MICAL2: variants seen among roughly 807,000 people sequenced by gnomAD.
MICAL2 encodes the protein microtubule associated monooxygenase, calponin and LIM domain containing 2.
MICAL2 carries 77 observed loss-of-function variants against 127.3 expected under a neutral mutation model. The observed-to-expected ratio is 0.60, with a 90% CI of 0.50 to 0.73. The LOEUF (loss-of-function observed/expected upper bound fraction) is 0.73. Among genes scored for constraint, MICAL2 ranks in the 30% least tolerant of loss-of-function variants. The probability of loss-of-function intolerance (pLI) is 0.00; values close to 1 mark genes in which losing one functional copy is unlikely to be tolerated. For missense variants in MICAL2, 1,351 were observed against 1,434.4 expected, an observed-to-expected ratio of 0.94 and a Z score of 0.94; for synonymous variants, 570 against 551.1, an observed-to-expected ratio of 1.03 and a Z score of -0.48.
intron 1 of MICAL2, among the ~76,000 whole-genome samples, chr11:12,278,559 G>A (rs1217380060): frequency 6.6e-6 from 1 of 152,192 alleles, no homozygotes; most frequent in African/African-American, 2.4e-5. Context: ...GTAATTCAAA[G>A]AATTTTTAAG....
At position 12,241,128 on chromosome 11, in the gene MICAL2, C is replaced by G; in HGVS notation, c.2303C>G (p.Ala768Gly). The G allele has an allele frequency of 6.2e-7, 1 of 1,614,148 alleles. No homozygotes were observed. Among genetic ancestry groups the G allele is most frequent in the Non-Finnish European group, 8.5e-7 (1 of 1,180,002 alleles). ...TCTTGCTGCCCCAAGCCGGAGGAGG[C>G]CACACCCAGCCCATCACCTCCTCTG... ...VHSCCPKPEE[A>G]TPSPSPPLKR... Residue 768 changes from alanine (A) to glycine (G), a missense_variant, in exon 18 of 28, where the codon GCC (alanine) becomes GGC (glycine). Ala to Gly is a moderately conservative substitution (Grantham distance 60). This residue lies in a region of MICAL2 where 752 missense variants were observed against 719.4 expected (regional missense o/e 1.05). Transcript: ENST00000683283.
At chr11:12,163,848 T>A (rs1393592483) in intron 3 of MICAL2, 2 of 152,152 alleles carry the variant, frequency 1.3e-5, no homozygotes, top group Admixed American at 1.3e-4. Context: ...CAAAGTGTCA[T>A]CCCTCTTAGT....
intron 15 of MICAL2, among the ~76,000 whole-genome samples, chr11:12,229,686 G>T (rs1655427965): frequency 6.6e-6 from 1 of 152,240 alleles, no homozygotes; most frequent in Non-Finnish European, 1.5e-5. Context: ...AGCTGGGGAT[G>T]GTTAAAAGTC....
intron 1 of MICAL2, among the ~76,000 whole-genome samples, chr11:12,133,916 C>T (rs1851627910): frequency 6.6e-6 from 1 of 152,202 alleles, no homozygotes; most frequent in Non-Finnish European, 1.5e-5. Context: ...TTGCCATCAC[C>T]TCTGAGGGAT....
At chr11:12,315,146 T>A (rs994346203) in intron 29 of MICAL2, among the ~76,000 whole-genome samples, 1 of 152,244 alleles carries the variant, frequency 6.6e-6, no homozygotes, top group Non-Finnish European at 1.5e-5. Flanking sequence ...GCACTGTCTT[T>A]CATCATTTAA....
At chr11:12,224,954 C>A in intron 13 of MICAL2, 134 bp downstream of exon 13, 1 of 1,163,592 alleles carries the variant, frequency 8.6e-7, no homozygotes, top group Non-Finnish European at 1.2e-6. Flanking sequence ...AACATTTGTT[C>A]TTTTCCCTTT....
At chr11:12,200,626 T>C (rs1306205045) in intron 3 of MICAL2, among the ~76,000 whole-genome samples, 12 of 152,196 alleles carry the variant, frequency 7.9e-5, no homozygotes, top group African/African-American at 2.7e-4. Flanking sequence ...ATTAGGCCCG[T>C]TGGTATTTGC....
At chr11:12,331,154 G>A (rs1230127692) in intron 32 of MICAL2, among the ~76,000 whole-genome samples, 1 of 152,096 alleles carries the variant, frequency 6.6e-6, no homozygotes, top group Non-Finnish European at 1.5e-5. Flanking sequence ...ATGATGATCA[G>A]TGTTACATAC....
intron 3 of MICAL2, among the ~76,000 whole-genome samples, chr11:12,190,922 C>G (rs1257353942): frequency 6.6e-6 from 1 of 152,136 alleles, no homozygotes; most frequent in African/African-American, 2.4e-5. Context: ...ATGTAAAGCC[C>G]CAAGACAGTA....
rs956846990 is a variant in MICAL2, at chr11:12,269,686, T to A, written c.3335-6300T>A. Among the ~76,000 whole-genome samples, 3 of 152,196 alleles carry A rather than the reference T, an allele frequency of 2.0e-5. No homozygotes were observed. In the East Asian group the frequency reaches 5.8e-4, roughly 29 times the overall value. On this transcript the variant is annotated intron_variant, in intron 24 of 34. Transcript: ENST00000646065. ...AGGGCCGTGGGGAAGGGGCTGAGGC[T>A]CGGCACTGCCTGTCAAAGCTTGCAT...
downstream of MICAL2, among the ~76,000 whole-genome samples, chr11:12,292,953 A>G (rs181289562): frequency 2.2e-4 from 34 of 152,218 alleles, no homozygotes; most frequent in East Asian, 6.4e-3. Context: ...AAGTTCCTGC[A>G]TGCTAGAAAT....
chr11:12,114,297 T>C (rs1464287862), intron 1 of MICAL2, among the ~76,000 whole-genome samples: 1 of 152,234 alleles, frequency 6.6e-6, no homozygotes, highest in Non-Finnish European at 1.5e-5. Flanking sequence ...AAGGACGTTG[T>C]CTTGCATAAC....
chr11:12,310,907 C>T, intron 29 of MICAL2, among the ~76,000 whole-genome samples: 1 of 151,278 alleles, frequency 6.6e-6, no homozygotes, highest in African/African-American at 2.4e-5. Flanking sequence ...AAATTTATTC[C>T]TAGGGTTTTT....
chr11:12,262,659 A>C, intron 27 of MICAL2, 122 bp downstream of exon 27: 1 of 846,376 alleles, frequency 1.2e-6, no homozygotes, highest in South Asian at 1.5e-5. Context: ...ATACTGATGG[A>C]CTCATTTGGT....
At chr11:12,244,142 A>C in intron 21 of MICAL2, 30 bp downstream of exon 21, 10 of 1,613,448 alleles carry the variant, frequency 6.2e-6, no homozygotes, top group Non-Finnish European at 8.5e-6. Context: ...TGCTTTCCCT[A>C]TTCCCTGCAT....
At chr11:12,116,298 C>T (rs1326119027) in intron 1 of MICAL2, among the ~76,000 whole-genome samples, 4 of 151,624 alleles carry the variant, frequency 2.6e-5, no homozygotes, top group Admixed American at 1.3e-4. Flanking sequence ...TTTCTACTTC[C>T]TCCTTTGCTA....
chr11:12,300,706 T>G (rs1177504011), intron 29 of MICAL2, among the ~76,000 whole-genome samples: 1 of 152,140 alleles, frequency 6.6e-6, no homozygotes, highest in East Asian at 1.9e-4. Context: ...AAGAGAACCC[T>G]GAGCTATAGA....
chr11:12,181,877 GA>G (rs1249527458), intron 3 of MICAL2, among the ~76,000 whole-genome samples: 1 of 152,142 alleles, frequency 6.6e-6, no homozygotes, highest in East Asian at 1.9e-4. Flanking sequence ...CTTGAATGAA[GA>G]AAAAACCCTT....
At chr11:12,339,261 A>G (rs891144350) in intron 32 of MICAL2, among the ~76,000 whole-genome samples, 26 of 152,136 alleles carry the variant, frequency 1.7e-4, no homozygotes, top group African/African-American at 6.3e-4. Context: ...AGGCTTGTGC[A>G]TTTGTCACGT....
Sources: allele counts gnomAD v4.1 joint callset (sites outside exome capture counted in the v4.1 genomes callset), GRCh38; gene constraint gnomAD v4.1.1; regional missense constraint gnomAD v4.1.1; transcripts MANE v1.5; gene names NCBI Gene and HGNC (gene_info 2026-07-23, HGNC 2026-07-21).